The following OTOP2 variants were observed in gnomAD, a reference collection of about 807,000 sequenced individuals.
OTOP2 encodes the protein proton channel OTOP2.
A neutral mutation model predicts 47.4 loss-of-function variants in OTOP2; 41 were observed. The ratio of observed to expected loss-of-function variants is 0.87; its 90% confidence interval spans 0.67 to 1.12. OTOP2 has a LOEUF of 1.12. Ranked by LOEUF, OTOP2 falls within the 50% of genes most tolerant of loss-of-function variation. The pLI, the probability that OTOP2 is intolerant of heterozygous loss-of-function variation, is 0.00. For synonymous variants in OTOP2, 328 were observed against 319.6 expected (o/e 1.03, Z -0.28); for missense variants, 721 against 752.2 (o/e 0.96, Z 0.49).
In OTOP2 at chr17:74,930,580, C is replaced by T. The variant is rs1230818828; in HGVS notation, c.945C>T (p.Ser315=). The T allele has an allele frequency of 2.3e-5, 37 of 1,613,756 alleles. No homozygotes were observed. Among genetic ancestry groups the T allele is most frequent in the Non-Finnish European group, 2.8e-5 (33 of 1,179,964 alleles). Residue 315 remains serine, a synonymous_variant, in exon 6 of 7, where the codon AGC becomes AGT. Transcript: ENST00000331427. The surrounding 1 kb of genome is among the most constrained non-coding windows in gnomAD (Gnocchi z 4.0). Reference sequence around the variant, plus strand: ...TCATCATCTACGAGGTTCAAGTGAGCGGGGACGGGAGCCGCACCAGGCAGG... The same window carrying T: ...TCATCATCTACGAGGTTCAAGTGAGTGGGGACGGGAGCCGCACCAGGCAGG... ...AVFIIYEVQV[S]GDGSRTRQAL...
In OTOP2 at chr17:74,924,842, G is replaced by T; in HGVS notation, c.210G>T (p.Met70Ile). 2 of 1,609,928 alleles carry T rather than the reference G, an allele frequency of 1.2e-6. No homozygotes were observed. Among genetic ancestry groups the T allele is most frequent in the Non-Finnish European group, 1.7e-6 (2 of 1,178,420 alleles). ...TGTTCGCGCTGCTCACTGCGATGAT[G>T]CTGCTGGCAACGCTCTGGATCCTCT... ...TDVFALLTAMMLLATLWILFY... is the reference protein window; with the variant it reads ...TDVFALLTAMILLATLWILFY... The change falls in exon 2 of 7, where the codon ATG becomes ATT. Residue 70 changes from methionine (M) to isoleucine (I), a missense_variant. Coordinates refer to ENST00000331427, the MANE Select transcript of OTOP2 (RefSeq NM_178160.3). This position sits in a 1 kb window ranked among gnomAD's most constrained non-coding sequence, Gnocchi z 7.7.
At chr17:74,931,953 C>CAAAAAAAAA (rs5822060) in intron 6 of OTOP2, among the ~76,000 whole-genome samples, 7 of 84,064 alleles carry the variant, frequency 8.3e-5, no homozygotes, top group Non-Finnish European at 1.3e-4. Flanking sequence ...GACACTCTGT[C>CAAAAAAAAA]AAAAAAAAAA....
At position 74,930,295 on chromosome 17, in the gene OTOP2, G is replaced by T. The variant is rs138617693; in HGVS notation, c.660G>T (p.Pro220=). The T allele has an allele frequency of 2.7e-5, 44 of 1,612,916 alleles. No individual in the cohort carries two copies. The African/African-American group carries it at 4.1e-4, about 15-fold the overall frequency. Residue 220 remains proline, a synonymous_variant, in exon 6 of 7, where the codon CCG becomes CCT. Coordinates refer to ENST00000331427, the MANE Select transcript of OTOP2 (RefSeq NM_178160.3). The surrounding 1 kb of genome is among the most constrained non-coding windows in gnomAD (Gnocchi z 4.0). ...RLISDQHADN[P]VGGDSCLCST... The stretch of plus-strand genomic sequence containing the variant: ...CCACAACAGAGCATGCAGACAACCC[G>T]GTCGGAGGAGACTCCTGCCTCTGCA...
intron 6 of OTOP2, among the ~76,000 whole-genome samples, chr17:74,932,966 C>T (rs777260670): frequency 5.9e-5 from 9 of 152,216 alleles, no homozygotes; most frequent in Non-Finnish European, 8.8e-5. Context: ...ACCCCAAACC[C>T]CTGCCTTGAG....
At chr17:74,925,731 A>G (rs1002618821) in intron 3 of OTOP2, 39 bp downstream of exon 3, 1 of 1,612,196 alleles carries the variant, frequency 6.2e-7, no homozygotes, top group Non-Finnish European at 8.5e-7. Context: ...GAAAGGAGCT[A>G]ACACTTGGCC....
At chr17:74,931,612 G>T (rs1191556539) in intron 6 of OTOP2, among the ~76,000 whole-genome samples, 1 of 152,204 alleles carries the variant, frequency 6.6e-6, no homozygotes, top group Non-Finnish European at 1.5e-5. Context: ...CTGGGAAGGA[G>T]GGCATCTACA....
In OTOP2 at chr17:74,927,211, C is replaced by T. The variant is rs774998066; in HGVS notation, c.451-12C>T. 10 of 1,607,126 alleles carry T rather than the reference C, an allele frequency of 6.2e-6. No homozygotes were observed. The East Asian group carries it at 2.2e-4, about 36-fold the overall frequency. ...TGGAGTAAATGACTCTCACCAATGTCTCTCCATACAGACCTACTTTCTCTG... is the reference window on the plus strand; with the variant it reads ...TGGAGTAAATGACTCTCACCAATGTTTCTCCATACAGACCTACTTTCTCTG... On this transcript the variant is annotated splice_polypyrimidine_tract_variant and intron_variant, in intron 3 of 6. Transcript: ENST00000331427.
rs201869769 is a variant in OTOP2 at position 74,933,499 on chromosome 17, G to T, written c.1643G>T (p.Arg548Leu). ...TGCCTCCCTTTCGGCATCTTCTACC[G>T]CATGCACGCTGTGTCCAGCCTGCTG... is the stretch of plus-strand genomic sequence containing the variant. The part of the protein sequence containing the change: ...NICLPFGIFY[R>L]MHAVSSLLEV... Residue 548 changes from arginine to leucine, a missense_variant, in exon 7 of 7, where the codon CGC becomes CTC. Arg to Leu is a moderately radical substitution (Grantham distance 102, BLOSUM62 -2). Coordinates refer to ENST00000331427, the MANE Select transcript of OTOP2 (RefSeq NM_178160.3). The surrounding 1 kb of genome is among the most constrained non-coding windows in gnomAD (Gnocchi z 4.7). The T allele has an allele frequency of 6.2e-7, 1 of 1,613,808 alleles. No individual in the cohort carries two copies. Among genetic ancestry groups the T allele is most frequent in the Non-Finnish European group, 8.5e-7 (1 of 1,179,902 alleles).
At chr17:74,931,953 C>CAAAAAAAAAAAAAAAAAAAAAAA (rs5822060) in intron 6 of OTOP2, among the ~76,000 whole-genome samples, 1 of 84,072 alleles carries the variant, frequency 1.2e-5, no homozygotes, top group Non-Finnish European at 2.2e-5. Context: ...GACACTCTGT[C>CAAAAAAAAAAAAAAAAAAAAAAA]AAAAAAAAAA....
In OTOP2 at chr17:74,930,993, C is replaced by A; in HGVS notation, c.1358C>A (p.Ala453Asp). The A allele has an allele frequency of 6.2e-7, 1 of 1,614,178 alleles. No individual in the cohort carries two copies. The highest frequency in any genetic ancestry group is 1.1e-5 in the South Asian group (1 of 91,078). ...GACCTCACCTTCACCAACCTGGATGCCCTCCACACGTTGTCCGCCTGCCCA... is the reference window on the plus strand; with the variant it reads ...GACCTCACCTTCACCAACCTGGATGACCTCCACACGTTGTCCGCCTGCCCA... Reference protein sequence around the residue: ...CQDLTFTNLDALHTLSACPPN... With the variant: ...CQDLTFTNLDDLHTLSACPPN... Residue 453 changes from alanine (A) to aspartate (D), a missense_variant, in exon 6 of 7, where the codon GCC (alanine) becomes GAC (aspartate). Ala to Asp is a moderately radical substitution (Grantham distance 126). Transcript: ENST00000331427. This position sits in a 1 kb window ranked among gnomAD's most constrained non-coding sequence, Gnocchi z 4.0.
chr17:74,924,804 T>TACGACACCG lies in OTOP2; in HGVS notation c.176_184dup (p.Asp59_Asp61dup). ...CGGAGCCTTCAACAAGGTGGCCGTG[T>TACGACACCG]ACGACACCGACGTGTTCGCGCTGCT... On this transcript the variant is annotated inframe_insertion, in exon 2 of 7. Transcript: ENST00000331427. The surrounding 1 kb of genome is among the most constrained non-coding windows in gnomAD (Gnocchi z 7.7). 1 of 1,611,942 alleles carries TACGACACCG rather than the reference T, an allele frequency of 6.2e-7. No individual in the cohort carries two copies.
chr17:74,925,031 T>G lies in OTOP2; in HGVS notation c.313+86T>G, dbSNP rs531583328. ...CTCGCAGGAGTTGCAGAGTGCAGAT[T>G]GACATACGAGGGCGAGAGGCTCCCT... On this transcript the variant is annotated intron_variant, in intron 2 of 6. Transcript: ENST00000331427. The G allele has an allele frequency of 4.6e-4, 650 of 1,422,138 alleles. 3 individuals are homozygous for G. In the African/African-American group the frequency reaches 8.3e-3, roughly 18 times the overall value. The allele number at this position is 1,422,138 out of a possible 1,614,324, so 88.1% of individuals were successfully genotyped here. A position where few individuals can be genotyped will look rare whatever the true frequency, so the allele number is the denominator to read the frequency against.
In OTOP2 at chr17:74,925,561, C is replaced by T. The variant is rs769217363; in HGVS notation, c.319C>T (p.Leu107=). 1 of 1,613,768 alleles carries T rather than the reference C, an allele frequency of 6.2e-7. No homozygotes were observed. Among genetic ancestry groups the T allele is most frequent in the Non-Finnish European group, 8.5e-7 (1 of 1,179,858 alleles). ...HAGPIWLRGG[L]VLFGICTLIM... is the part of the protein sequence containing the mutation. ...CACCCACCCCTGGTTTCCAGGTGGGCTGGTGCTGTTTGGAATCTGCACCCT... is the reference window on the plus strand; with the variant it reads ...CACCCACCCCTGGTTTCCAGGTGGGTTGGTGCTGTTTGGAATCTGCACCCT... The change falls in exon 3 of 7, where the codon CTG becomes TTG. Residue 107 remains leucine, a synonymous_variant. Coordinates refer to ENST00000331427, the MANE Select transcript of OTOP2 (RefSeq NM_178160.3).
At chr17:74,925,252 G>C (rs1265469987) in intron 2 of OTOP2, among the ~76,000 whole-genome samples, 1 of 152,094 alleles carries the variant, frequency 6.6e-6, no homozygotes, top group Non-Finnish European at 1.5e-5. Flanking sequence ...CACTGAAAGA[G>C]CTCAGCCAGG....
At chr17:74,932,711 G>GA (rs1477314490) in intron 6 of OTOP2, among the ~76,000 whole-genome samples, 1 of 152,224 alleles carries the variant, frequency 6.6e-6, no homozygotes, top group Non-Finnish European at 1.5e-5. Flanking sequence ...TTATAGGACA[G>GA]AACAGGCTTA....
chr17:74,932,660 C>T (rs1048872460), intron 6 of OTOP2, among the ~76,000 whole-genome samples: 2 of 152,222 alleles, frequency 1.3e-5, no homozygotes, highest in Non-Finnish European at 2.9e-5. Flanking sequence ...GGCATCTGAG[C>T]CTAAATCACC....
At chr17:74,931,412 T>C (rs1003948181) in intron 6 of OTOP2, among the ~76,000 whole-genome samples, 7 of 151,978 alleles carry the variant, frequency 4.6e-5, no homozygotes, top group Non-Finnish European at 8.8e-5. Context: ...CCAGGGAAGG[T>C]TGACACAGGG....
chr17:74,927,715 C>T lies in OTOP2; in HGVS notation c.560C>T (p.Ala187Val). 6.2e-7 allele frequency: 1 copy of T among 1,614,158 alleles called. No individual in the cohort carries two copies. The highest frequency in any genetic ancestry group is 8.5e-7 in the Non-Finnish European group (1 of 1,180,008). Residue 187 changes from alanine to valine, a missense_variant, in exon 5 of 7, where the codon GCC (alanine) becomes GTC (valine). Ala to Val is a moderately conservative substitution (Grantham distance 64). Coordinates refer to ENST00000331427, the MANE Select transcript of OTOP2 (RefSeq NM_178160.3). ...ACCAACCTGGCCATCTGGATGGCGGCCGTGGTGGATGAATCTGTGCACCAA... is the reference window on the plus strand; with the variant it reads ...ACCAACCTGGCCATCTGGATGGCGGTCGTGGTGGATGAATCTGTGCACCAA... ...LTTNLAIWMA[A>V]VVDESVHQSH... is the part of the protein sequence containing the mutation.
chr17:74,925,115 G>A (rs563149019), intron 2 of OTOP2, among the ~76,000 whole-genome samples, 170 bp downstream of exon 2: 4 of 152,240 alleles, frequency 2.6e-5, no homozygotes, highest in Non-Finnish European at 4.4e-5. Flanking sequence ...AAAGAGGAAG[G>A]TAAGGGGTCC....
Sources: gnomAD v4.1 joint callset for allele counts (sites outside exome capture counted in the v4.1 genomes callset) on GRCh38, gnomAD v4.1.1 for gene constraint, Gnocchi (gnomAD v3.1) non-coding constraint, MANE v1.5 for transcripts, NCBI Gene and HGNC (gene_info 2026-07-23, HGNC 2026-07-21) for gene names.